HMGCLL1: variants seen among roughly 807,000 people sequenced by gnomAD.
HMGCLL1 encodes the protein 3-hydroxymethyl-3-methylglutaryl-CoA lyase, cytoplasmic.
A neutral mutation model predicts 39.1 loss-of-function variants in HMGCLL1; 36 were observed. The observed-to-expected ratio is 0.92, with a 90% confidence interval of 0.71 to 1.22. HMGCLL1 has a LOEUF of 1.22. Among genes scored for constraint, HMGCLL1 ranks in the 50% most tolerant of loss-of-function variants. The pLI is 0.00. For synonymous variants in HMGCLL1, 149 were observed against 144.0 expected (o/e 1.03, Z -0.25); for missense variants, 451 against 416.5 (o/e 1.08, Z -0.72).
the HMGCLL1 span, among the ~76,000 whole-genome samples, chr6:55,588,943 C>T: frequency 6.6e-6 from 1 of 152,068 alleles, no homozygotes; most frequent in Non-Finnish European, 1.5e-5. Context: ...AAGTCCAGGA[C>T]CAGATGGATT....
At chr6:55,508,026 G>A (rs1326653429) in intron 5 of HMGCLL1, among the ~76,000 whole-genome samples, 2 of 151,678 alleles carry the variant, frequency 1.3e-5, no homozygotes, top group Non-Finnish European at 2.9e-5. Flanking sequence ...CTGGCCACAT[G>A]AAATGACAGG....
At chr6:55,520,031 A>T (rs1767955779) in intron 3 of HMGCLL1, among the ~76,000 whole-genome samples, 1 of 143,106 alleles carries the variant, frequency 7.0e-6, no homozygotes, top group Non-Finnish European at 1.5e-5. Context: ...TCTCACTCAT[A>T]AGTGGGAGCT....
chr6:55,649,263 C>G, the HMGCLL1 span, among the ~76,000 whole-genome samples: 1 of 151,972 alleles, frequency 6.6e-6, no homozygotes, highest in Non-Finnish European at 1.5e-5. Context: ...TCTTGTAGGA[C>G]AGATCTGGTG....
intron 3 of HMGCLL1, among the ~76,000 whole-genome samples, chr6:55,541,380 A>G (rs1769423725): frequency 6.6e-6 from 1 of 152,150 alleles, no homozygotes; most frequent in Admixed American, 6.6e-5. Context: ...ACTTATTATC[A>G]TTTGCCTCTA....
the HMGCLL1 span, among the ~76,000 whole-genome samples, chr6:55,598,604 C>G: frequency 6.6e-6 from 1 of 152,208 alleles, no homozygotes; most frequent in Non-Finnish European, 1.5e-5. Context: ...AAGATCAGTT[C>G]TGGCTTTGTA....
At chr6:55,503,152 C>G (rs1184656690) in intron 5 of HMGCLL1, among the ~76,000 whole-genome samples, 1 of 151,068 alleles carries the variant, frequency 6.6e-6, no homozygotes, top group African/African-American at 2.5e-5. Context: ...TGCTTTCTGC[C>G]CTTACCCTGT....
the HMGCLL1 span, among the ~76,000 whole-genome samples, chr6:55,673,454 A>C: frequency 6.6e-6 from 1 of 152,028 alleles, no homozygotes; most frequent in Non-Finnish European, 1.5e-5. Flanking sequence ...CATAAAGATA[A>C]CTGATGCAAC....
At chr6:55,616,177 A>C in the HMGCLL1 span, among the ~76,000 whole-genome samples, 1 of 152,108 alleles carries the variant, frequency 6.6e-6, no homozygotes, top group East Asian at 1.9e-4. Flanking sequence ...CAATTTCCCC[A>C]GCCTTTGAAT....
At chr6:55,504,502 C>T (rs1767053979) in intron 5 of HMGCLL1, among the ~76,000 whole-genome samples, 1 of 151,572 alleles carries the variant, frequency 6.6e-6, no homozygotes, top group Non-Finnish European at 1.5e-5. Flanking sequence ...TTTCATAGCC[C>T]ACATGGTATC....
intron 1 of HMGCLL1, among the ~76,000 whole-genome samples, chr6:55,558,498 G>A (rs1770784069): frequency 6.6e-6 from 1 of 152,132 alleles, no homozygotes; most frequent in Admixed American, 6.5e-5. Flanking sequence ...TACTCTGAAA[G>A]AATACAGACT....
chr6:55,580,032 T>A (rs760848790), upstream of HMGCLL1, among the ~76,000 whole-genome samples: 1 of 152,154 alleles, frequency 6.6e-6, no homozygotes, highest in Non-Finnish European at 1.5e-5. Context: ...TCGTGCAGGA[T>A]ACCTAGGGTC....
intron 7 of HMGCLL1, among the ~76,000 whole-genome samples, chr6:55,459,752 T>C (rs192946507): frequency 2.2e-4 from 33 of 152,190 alleles, no homozygotes; most frequent in Admixed American, 7.2e-4. Context: ...AAGTTTTATA[T>C]AACCTTATGA....
At chr6:55,579,242 G>C (rs942615710), upstream of HMGCLL1, 2 of 597,874 alleles carry the variant, frequency 3.3e-6, no homozygotes, top group Non-Finnish European at 6.0e-6. Flanking sequence ...GCAGGTGGCC[G>C]CGCCTGGGGC....
chr6:55,665,580 C>A, the HMGCLL1 span, among the ~76,000 whole-genome samples: 14 of 151,806 alleles, frequency 9.2e-5, no homozygotes, highest in South Asian at 8.3e-4. Context: ...CCTTCCCCAC[C>A]CCACAACTGT....
At chr6:55,538,618 A>G (rs1048140302) in intron 3 of HMGCLL1, among the ~76,000 whole-genome samples, 25 of 152,278 alleles carry the variant, frequency 1.6e-4, no homozygotes, top group African/African-American at 5.3e-4. Flanking sequence ...ACATGAACAA[A>G]GTGAGAGTCA....
At chr6:55,654,466 G>C in the HMGCLL1 span, among the ~76,000 whole-genome samples, 4 of 151,864 alleles carry the variant, frequency 2.6e-5, no homozygotes, top group Admixed American at 2.0e-4. Context: ...TTGCTTATGA[G>C]CATATATCCA....
At chr6:55,495,844 A>G (rs1023146159) in intron 6 of HMGCLL1, among the ~76,000 whole-genome samples, 1 of 152,128 alleles carries the variant, frequency 6.6e-6, no homozygotes. Flanking sequence ...CCTTAGAGTC[A>G]TATCTACCTA....
chr6:55,510,631 G>A (rs1452813510), intron 5 of HMGCLL1, among the ~76,000 whole-genome samples: 1 of 120,404 alleles, frequency 8.3e-6, no homozygotes, highest in Non-Finnish European at 1.7e-5. Context: ...TCACACTCTG[G>A]GGACTGTTGT....
chr6:55,589,554 C>T, the HMGCLL1 span, among the ~76,000 whole-genome samples: 2 of 152,064 alleles, frequency 1.3e-5, no homozygotes, highest in Non-Finnish European at 2.9e-5. Flanking sequence ...CTGGCCAGGG[C>T]AATTAGGCAG....
Sources: gnomAD v4.1 joint callset for allele counts (sites outside exome capture counted in the v4.1 genomes callset) on GRCh38, gnomAD v4.1.1 for gene constraint, MANE v1.5 for transcripts, NCBI Gene and HGNC (gene_info 2026-07-23, HGNC 2026-07-21) for gene names.